Variants in TACR1 observed in about 807,000 individuals in gnomAD.
TACR1 encodes the protein tachykinin receptor 1.
A neutral mutation model predicts 35.8 loss-of-function variants in TACR1; 25 were observed. The ratio of observed to expected loss-of-function variants is 0.70; its 90% confidence interval spans 0.51 to 0.98. The LOEUF (loss-of-function observed/expected upper bound fraction) is 0.98, where lower values mean the gene tolerates loss of function less well. Ranked by LOEUF, TACR1 falls within the 50% of genes least tolerant of loss-of-function variation. The pLI is 0.00. For missense variants in TACR1, 478 were observed against 522.9 expected, an observed-to-expected ratio of 0.91 and a Z score of 0.84; for synonymous variants, 195 against 206.7, an observed-to-expected ratio of 0.94 and a Z score of 0.48.
intron 1 of TACR1, among the ~76,000 whole-genome samples, chr2:75,157,484 AGG>A (rs1456234137): frequency 6.6e-6 from 1 of 152,222 alleles, no homozygotes; most frequent in African/African-American, 2.4e-5. Context: ...AGAGTTAAGA[AGG>A]GGGATTGTAC....
chr2:75,120,067 C>CT (rs948752876), intron 2 of TACR1, among the ~76,000 whole-genome samples: 4 of 151,232 alleles, frequency 2.6e-5, no homozygotes, highest in East Asian at 1.9e-4. Flanking sequence ...AGGCATTGTT[C>CT]TTTTTTTTTG....
chr2:75,091,793 T>C (rs911724676), intron 2 of TACR1, among the ~76,000 whole-genome samples: 1 of 152,226 alleles, frequency 6.6e-6, no homozygotes, highest in Non-Finnish European at 1.5e-5. Context: ...CTGTGACTTA[T>C]CTGCTGTATG....
At chr2:75,161,420 G>A (rs938095243) in intron 1 of TACR1, among the ~76,000 whole-genome samples, 1 of 152,050 alleles carries the variant, frequency 6.6e-6, no homozygotes, top group Non-Finnish European at 1.5e-5. Context: ...CTGGGACAGT[G>A]AGAGAAAAGA....
intron 2 of TACR1, among the ~76,000 whole-genome samples, chr2:75,114,560 T>G (rs1299228823): frequency 1.3e-5 from 2 of 152,254 alleles, no homozygotes; most frequent in Non-Finnish European, 2.9e-5. Flanking sequence ...CTCATTAACT[T>G]TGAAAGCTAC....
chr2:75,131,302 A>G (rs1392403410), intron 1 of TACR1, among the ~76,000 whole-genome samples: 2 of 151,958 alleles, frequency 1.3e-5, no homozygotes, highest in Non-Finnish European at 2.9e-5. Context: ...GTTAGCCAGG[A>G]TGGTCTCGAT....
intron 2 of TACR1, among the ~76,000 whole-genome samples, chr2:75,072,272 G>A (rs1262083652): frequency 6.6e-6 from 1 of 152,188 alleles, no homozygotes; most frequent in Non-Finnish European, 1.5e-5. Context: ...CCAGGTCAAG[G>A]ATGCAGGACG....
At chr2:75,105,202 T>C (rs1042246359) in intron 2 of TACR1, among the ~76,000 whole-genome samples, 1 of 152,054 alleles carries the variant, frequency 6.6e-6, no homozygotes, top group Non-Finnish European at 1.5e-5. Flanking sequence ...ATGATTCAGC[T>C]TTAAAAAAGA....
chr2:75,084,170 A>T (rs994046877), intron 2 of TACR1, among the ~76,000 whole-genome samples: 22 of 152,248 alleles, frequency 1.4e-4, no homozygotes, highest in African/African-American at 5.3e-4. Context: ...CCTTTTCTGC[A>T]TCTATTGAGA....
intron 1 of TACR1, among the ~76,000 whole-genome samples, chr2:75,196,663 C>A (rs1301833065): frequency 6.6e-6 from 1 of 152,142 alleles, no homozygotes; most frequent in Non-Finnish European, 1.5e-5. Context: ...CATCCCCACC[C>A]CTAACCTTCT....
Position 75,053,621 on chromosome 2 carries a change from A to G in TACR1, c.719T>C (p.Val240Ala), listed in dbSNP as rs148906237. ...CCTGCTCACCTTGCGCTTGGCAGAG[A>G]CTTGCTCGTGGTAGCGGTCAGAGGA... ...GDSSDRYHEQ[V>A]SAKRKVVKMM... is the part of the protein sequence containing the mutation. Residue 240 changes from valine (V) to alanine (A), a missense_variant, in exon 3 of 5, where the codon GTC becomes GCC. Val to Ala is a moderately conservative substitution (Grantham distance 64). Transcript: ENST00000305249. 352 of 1,558,930 alleles carry G rather than the reference A, an allele frequency of 2.3e-4. No individual in the cohort carries two copies. Among genetic ancestry groups the G allele is most frequent in the Non-Finnish European group, 2.9e-4 (340 of 1,153,270 alleles).
At chr2:75,182,726 G>A (rs1236847719) in intron 1 of TACR1, among the ~76,000 whole-genome samples, 1 of 152,048 alleles carries the variant, frequency 6.6e-6, no homozygotes, top group Non-Finnish European at 1.5e-5. Context: ...GGAGTAACAG[G>A]GTATTCTATA....
chr2:75,186,016 A>G (rs1675685701), intron 1 of TACR1, among the ~76,000 whole-genome samples: 1 of 152,218 alleles, frequency 6.6e-6, no homozygotes, highest in Non-Finnish European at 1.5e-5. Context: ...TATCTTTATT[A>G]TGTAAAAGAA....
In TACR1 at chr2:75,048,817, A is replaced by G. The variant is rs1672408749; in HGVS notation, c.*615T>C. 2 of 152,420 alleles carry G rather than the reference A, an allele frequency of 1.3e-5. No homozygotes were observed. The highest frequency in any genetic ancestry group is 4.8e-5 in the African/African-American group (2 of 41,444). The allele number at this position is 152,420 out of a possible 1,614,324, so 9.4% of individuals were successfully genotyped here. A position where few individuals can be genotyped will look rare whatever the true frequency, so the allele number is the denominator to read the frequency against. On this transcript the variant is annotated 3_prime_UTR_variant, in exon 5 of 5. Coordinates refer to ENST00000305249, the MANE Select transcript of TACR1 (RefSeq NM_001058.4). Reference sequence around the variant, plus strand: ...GCTGCTCAGGACAGTCACCGGGGACATAATGTGGAAGCCCGAGGTTCTCAA... The same window carrying G: ...GCTGCTCAGGACAGTCACCGGGGACGTAATGTGGAAGCCCGAGGTTCTCAA...
intron 2 of TACR1, among the ~76,000 whole-genome samples, chr2:75,106,183 G>A (rs940730369): frequency 6.6e-6 from 1 of 151,904 alleles, no homozygotes; most frequent in African/African-American, 2.4e-5. Flanking sequence ...ATTAAAAATG[G>A]CAATGATAAA....
chr2:75,057,083 C>A (rs1282652181), intron 2 of TACR1, among the ~76,000 whole-genome samples: 1 of 152,318 alleles, frequency 6.6e-6, no homozygotes, highest in South Asian at 2.1e-4. Flanking sequence ...TTCTGTCAGG[C>A]CTCTGAGCCC....
intron 1 of TACR1, among the ~76,000 whole-genome samples, chr2:75,145,344 A>G (rs1177037700): frequency 2.0e-5 from 3 of 152,176 alleles, no homozygotes; most frequent in African/African-American, 7.2e-5. Flanking sequence ...GGTAATGACC[A>G]TTATTATTAG....
intron 1 of TACR1, among the ~76,000 whole-genome samples, chr2:75,197,988 AAC>A (rs1488366720): frequency 6.6e-6 from 1 of 152,218 alleles, no homozygotes; most frequent in East Asian, 1.9e-4. Context: ...CAAACAAACA[AAC>A]ACAAACCAAC....
At chr2:75,128,569 C>A (rs558782109) in intron 1 of TACR1, among the ~76,000 whole-genome samples, 1 of 152,240 alleles carries the variant, frequency 6.6e-6, no homozygotes, top group Admixed American at 6.5e-5. Context: ...TCGCTGGGAT[C>A]CTGCCATTCA....
chr2:75,190,265 T>C (rs890214120), intron 1 of TACR1, among the ~76,000 whole-genome samples: 2 of 152,194 alleles, frequency 1.3e-5, no homozygotes, highest in Non-Finnish European at 2.9e-5. Context: ...ACATAAAGGA[T>C]TGGAAATGAA....
Sources: gnomAD v4.1 joint callset for allele counts (sites outside exome capture counted in the v4.1 genomes callset) on GRCh38, gnomAD v4.1.1 for gene constraint, MANE v1.5 for transcripts, NCBI Gene and HGNC (gene_info 2026-07-23, HGNC 2026-07-21) for gene names.